Variants in TRIM2 observed in about 807,000 individuals in gnomAD.
TRIM2 encodes the protein tripartite motif-containing protein 2.
Under a neutral mutation model 75.2 loss-of-function variants are expected in TRIM2, and 20 were observed. That is an observed-to-expected ratio of 0.27 (90% CI 0.19 to 0.39). The LOEUF is 0.39. Ranked by LOEUF, TRIM2 falls within the 10% of genes least tolerant of loss-of-function variation. The pLI is 1.00. For missense variants in TRIM2, 660 were observed against 990.8 expected, an observed-to-expected ratio of 0.67 and a Z score of 4.48; for synonymous variants, 373 against 388.3, an observed-to-expected ratio of 0.96 and a Z score of 0.46.
chr4:153,247,677 C>CAAAAAGAAAA (rs1749593991), intron 1 of TRIM2, among the ~76,000 whole-genome samples: 1 of 79,538 alleles, frequency 1.3e-5, no homozygotes, highest in Non-Finnish European at 2.3e-5. Context: ...GACTCTGTCT[C>CAAAAAGAAAA]AAAAAAAAAA....
chr4:153,153,592 C>T (rs1321910733), intron 1 of TRIM2, among the ~76,000 whole-genome samples: 2 of 152,246 alleles, frequency 1.3e-5, no homozygotes, highest in East Asian at 1.9e-4. Context: ...CCCCGTCCCG[C>T]CCCCGATCTT....
chr4:153,318,864 A>G (rs914554706), intron 8 of TRIM2, among the ~76,000 whole-genome samples: 7 of 152,216 alleles, frequency 4.6e-5, no homozygotes, highest in African/African-American at 1.4e-4. Flanking sequence ...TAAAGGTAAT[A>G]ATGAGAATAA....
At chr4:153,163,792 G>A (rs913520044) in intron 1 of TRIM2, among the ~76,000 whole-genome samples, 2 of 151,820 alleles carry the variant, frequency 1.3e-5, no homozygotes, top group African/African-American at 2.4e-5. Flanking sequence ...ATGAGCCACC[G>A]TGCTCAGCCG....
intron 1 of TRIM2, chr4:153,257,757 T>A (rs1752430167): frequency 2.0e-6 from 1 of 495,104 alleles, no homozygotes; most frequent in Non-Finnish European, 3.7e-6. Flanking sequence ...CTGTTTGTCT[T>A]CAGAAATGGG....
rs370049473 is a variant in TRIM2, at chr4:153,311,922, A to AT, written c.1511-3561dup. Among the ~76,000 whole-genome samples, 305 of 144,728 alleles carry AT rather than the reference A, an allele frequency of 2.1e-3. 1 individual carries two copies. The highest frequency in any genetic ancestry group is 0.011 in the South Asian group (49 of 4,628). The allele number at this position is 144,728 out of a possible 152,430, so 94.9% of individuals were successfully genotyped here. ...TATTTATTTATTTATTTATTTATTT[A>AT]TTATTATTATACTTTAAGTTTTAGG... On this transcript the variant is annotated intron_variant, in intron 6 of 11. Coordinates refer to ENST00000338700, the MANE Select transcript of TRIM2 (RefSeq NM_015271.5).
chr4:153,215,573 A>G lies in TRIM2; in HGVS notation c.30+11013A>G, dbSNP rs1246437945. 3.3e-5 allele frequency among the ~76,000 whole-genome samples: 5 copies of G among 151,502 alleles called. No individual in the cohort carries two copies. The East Asian group carries it at 7.7e-4, about 23-fold the overall frequency. On this transcript the variant is annotated intron_variant, in intron 1 of 11. Transcript: ENST00000338700. ...TGAAATATCCCAATTCTTGTTCTGG[A>G]TGGTGTTTTTACCCTGTTACTATCC...
intron 8 of TRIM2, among the ~76,000 whole-genome samples, chr4:153,318,770 C>G (rs377387976): frequency 1.3e-5 from 2 of 152,158 alleles, no homozygotes; most frequent in African/African-American, 4.8e-5. Context: ...AAGAAGGGCT[C>G]TCTAAGCATT....
At chr4:153,317,656 A>G (rs1268640545) in intron 8 of TRIM2, among the ~76,000 whole-genome samples, 1 of 50,186 alleles carries the variant, frequency 2.0e-5, no homozygotes, top group Non-Finnish European at 4.4e-5. Flanking sequence ...TCTCAAAAAG[A>G]AAAAAAAAAA....
At chr4:153,260,700 C>CCCCACACA (rs1560902966) in intron 1 of TRIM2, among the ~76,000 whole-genome samples, 2 of 67,914 alleles carry the variant, frequency 2.9e-5, no homozygotes, top group Admixed American at 1.6e-4. Flanking sequence ...ACCCCCCCCC[C>CCCCACACA]CACACACACA....
chr4:153,219,285 G>T (rs775977339), intron 1 of TRIM2, among the ~76,000 whole-genome samples: 6 of 152,014 alleles, frequency 3.9e-5, no homozygotes, highest in Non-Finnish European at 7.4e-5. Context: ...CATAAAGCCC[G>T]ATCCGCCAGA....
chr4:153,219,692 A>G (rs1475530424), intron 1 of TRIM2, among the ~76,000 whole-genome samples: 2 of 152,138 alleles, frequency 1.3e-5, no homozygotes, highest in African/African-American at 4.8e-5. Flanking sequence ...ACAAAGTAAG[A>G]CCCTGTCTCC....
At chr4:153,325,525 C>CT (rs1769979547) in intron 10 of TRIM2, among the ~76,000 whole-genome samples, 1 of 152,210 alleles carries the variant, frequency 6.6e-6, no homozygotes, top group South Asian at 2.1e-4. Context: ...AGTAACCGGG[C>CT]TGGGGACTGC....
intron 1 of TRIM2, among the ~76,000 whole-genome samples, chr4:153,236,200 T>C (rs1229594680): frequency 2.0e-5 from 3 of 151,722 alleles, no homozygotes; most frequent in Admixed American, 2.0e-4. Flanking sequence ...CAATTAAACC[T>C]TTTTTTTCTT....
At chr4:153,281,573 G>C (rs1194884871) in intron 3 of TRIM2, among the ~76,000 whole-genome samples, 1 of 152,188 alleles carries the variant, frequency 6.6e-6, no homozygotes, top group South Asian at 2.1e-4. Context: ...GCTGTGAGTA[G>C]ATCTTTAAAA....
In TRIM2 at chr4:153,221,818, GGGAGGAAATGA is replaced by G. The variant is rs1353901699; in HGVS notation, c.30+17259_30+17269del. Among the ~76,000 whole-genome samples the G allele has an allele frequency of 8.7e-4, 113 of 130,472 alleles. 1 individual carries two copies. Among genetic ancestry groups the G allele is most frequent in the African/African-American group, 3.4e-3 (111 of 32,752 alleles). The allele number at this position is 130,472 out of a possible 152,430, so 85.6% of individuals were successfully genotyped here. A position where few individuals can be genotyped will look rare whatever the true frequency, so the allele number is the denominator to read the frequency against. ...AAAGAGCGAGGAAGGAAGGGAGGGA[GGGAGGAAATGA>G]AGGAAGGAAGGAAAGCGCGAGGAAA... On this transcript the variant is annotated intron_variant, in intron 1 of 11. Transcript: ENST00000338700.
chr4:153,176,003 G>A (rs1049152503), intron 1 of TRIM2, among the ~76,000 whole-genome samples: 9 of 151,594 alleles, frequency 5.9e-5, no homozygotes, highest in Non-Finnish European at 1.0e-4. Context: ...CTGATCGTGC[G>A]TGTGAATAGC....
At chr4:153,230,140 C>G (rs1366886939) in intron 1 of TRIM2, among the ~76,000 whole-genome samples, 1 of 152,210 alleles carries the variant, frequency 6.6e-6, no homozygotes, top group Non-Finnish European at 1.5e-5. Flanking sequence ...CACATGATGA[C>G]TGCTACGGTA....
chr4:153,255,823 T>A (rs1046312300), intron 1 of TRIM2, among the ~76,000 whole-genome samples: 5 of 152,188 alleles, frequency 3.3e-5, no homozygotes, highest in Non-Finnish European at 7.3e-5. Context: ...TTGGAAAACA[T>A]TCTGCCAAGT....
chr4:153,337,415 G>A lies in TRIM2; in HGVS notation c.*2449G>A. ...TAATTTTTTTTACATGTCAATATTG[G>A]CACAAACTGGAATGAAAGAATAGTT... On this transcript the variant is annotated 3_prime_UTR_variant, in exon 12 of 12. Coordinates refer to ENST00000338700, the MANE Select transcript of TRIM2 (RefSeq NM_015271.5). The A allele has an allele frequency of 3.0e-6, 3 of 985,724 alleles. No individual in the cohort carries two copies. In the South Asian group the frequency reaches 1.4e-4, roughly 46 times the overall value. The allele number at this position is 985,724 out of a possible 1,614,324, so 61.1% of individuals were successfully genotyped here.
Sources: allele counts gnomAD v4.1 joint callset (sites outside exome capture counted in the v4.1 genomes callset), GRCh38; gene constraint gnomAD v4.1.1; transcripts MANE v1.5; gene names NCBI Gene and HGNC (gene_info 2026-07-23, HGNC 2026-07-21).